The following UHRF2 variants were observed in gnomAD, a reference collection of about 807,000 sequenced individuals.
UHRF2 encodes ubiquitin like with PHD and ring finger domains 2, also known as E3 ubiquitin-protein ligase UHRF2.
In UHRF2, 23 loss-of-function variants were observed where a neutral mutation model predicts 96.8. That is an observed-to-expected ratio of 0.24 (90% CI 0.17 to 0.34). UHRF2 has a LOEUF of 0.34. Ranked by LOEUF, UHRF2 falls within the 10% of genes least tolerant of loss-of-function variation. UHRF2 has a pLI of 1.00. For missense variants in UHRF2, 685 were observed against 981.5 expected (o/e 0.70, Z 4.04); for synonymous variants, 385 against 332.6 (o/e 1.16, Z -1.72).
chr9:6,430,123 G>T (rs1355094498), intron 2 of UHRF2, among the ~76,000 whole-genome samples: 1 of 152,194 alleles, frequency 6.6e-6, no homozygotes, highest in Non-Finnish European at 1.5e-5. Flanking sequence ...TGATTGTCCT[G>T]CCTCAGCCTC....
chr9:6,484,939 A>G (rs1824178156), intron 8 of UHRF2, among the ~76,000 whole-genome samples: 2 of 151,794 alleles, frequency 1.3e-5, no homozygotes, highest in Non-Finnish European at 2.9e-5. Flanking sequence ...TATTACAGGT[A>G]TACGTCACCA....
intron 4 of UHRF2, among the ~76,000 whole-genome samples, chr9:6,465,452 T>C (rs1364244237): frequency 6.6e-6 from 1 of 152,190 alleles, no homozygotes; most frequent in Non-Finnish European, 1.5e-5. Flanking sequence ...GTGGGAAAGT[T>C]CTTTTATGGT....
At chr9:6,505,988 TG>T in intron 15 of UHRF2, 44 bp from the exon 16 acceptor site, 1 of 1,607,538 alleles carries the variant, frequency 6.2e-7, no homozygotes, top group Non-Finnish European at 8.5e-7. Flanking sequence ...AGTACTTACA[TG>T]CTTTATGCTC....
chr9:6,443,039 A>G lies in UHRF2; in HGVS notation c.644+8866A>G, dbSNP rs569942449. ...GGGTTATAACTTTTAGCTGATTTCT[A>G]TAAGAATAAAAGTAAGCTAGAAAAC... On this transcript the variant is annotated intron_variant, in intron 3 of 15. Transcript: ENST00000276893. 2.6e-5 allele frequency among the ~76,000 whole-genome samples: 4 copies of G among 152,298 alleles called. No individual in the cohort carries two copies. In the East Asian group the frequency reaches 5.8e-4, roughly 22 times the overall value.
intron 2 of UHRF2, among the ~76,000 whole-genome samples, chr9:6,423,137 T>G (rs1046735990): frequency 1.3e-5 from 2 of 152,202 alleles, no homozygotes; most frequent in Non-Finnish European, 2.9e-5. Flanking sequence ...GGAGATAATT[T>G]TAGATATATG....
At chr9:6,495,057 T>A (rs1417920955) in intron 10 of UHRF2, 1 of 152,200 alleles carries the variant, frequency 6.6e-6, no homozygotes, top group African/African-American at 2.4e-5. Context: ...TGTGTTTTTG[T>A]CAATGAAAAT....
chr9:6,497,002 G>A, intron 10 of UHRF2, 196 bp from the exon 11 acceptor site: 2 of 526,714 alleles, frequency 3.8e-6, no homozygotes, highest in Admixed American at 6.5e-5. Context: ...CCTGGCTTGG[G>A]GGTGACATCA....
At chr9:6,455,121 C>G (rs1321134331) in intron 3 of UHRF2, among the ~76,000 whole-genome samples, 1 of 151,704 alleles carries the variant, frequency 6.6e-6, no homozygotes, top group Non-Finnish European at 1.5e-5. Context: ...TACATAGGAG[C>G]AGCAGCTTTT....
chr9:6,487,469 C>T lies in UHRF2; in HGVS notation c.1497+544C>T, dbSNP rs909479978. Among the ~76,000 whole-genome samples the T allele has an allele frequency of 6.6e-5, 10 of 152,140 alleles. No individual in the cohort carries two copies. The South Asian group carries it at 1.0e-3, about 16-fold the overall frequency. ...GCAATCTCCTCCTCCCAGATTCAAG[C>T]GATTCTCCTGCCTCCACCTCCTGAG... On this transcript the variant is annotated intron_variant, in intron 9 of 15. Coordinates refer to ENST00000276893, the MANE Select transcript of UHRF2 (RefSeq NM_152896.3).
intron 2 of UHRF2, among the ~76,000 whole-genome samples, chr9:6,432,383 A>G (rs757396966): frequency 1.3e-5 from 2 of 152,178 alleles, no homozygotes; most frequent in African/African-American, 2.4e-5. Context: ...TTATATTTTC[A>G]GTAACTTATT....
In UHRF2 at chr9:6,493,814, C is replaced by T; in HGVS notation, c.1498-12C>T. 6.2e-7 allele frequency: 1 copy of T among 1,600,898 alleles called. No homozygotes were observed. The highest frequency in any genetic ancestry group is 8.5e-7 in the Non-Finnish European group (1 of 1,174,686). The stretch of plus-strand genomic sequence containing the variant: ...GTTTAGCTTTCTTAATAAAGAAAAT[C>T]TTCTCTGACAGGACCGAGGTGATGA... On this transcript the variant is annotated splice_polypyrimidine_tract_variant and intron_variant, in intron 9 of 15. Transcript: ENST00000276893.
intron 3 of UHRF2, among the ~76,000 whole-genome samples, chr9:6,455,637 T>G (rs1412342646): frequency 6.6e-6 from 1 of 152,160 alleles, no homozygotes; most frequent in Non-Finnish European, 1.5e-5. Flanking sequence ...TAGAAGCCAG[T>G]GTGGACTGTT....
intron 3 of UHRF2, among the ~76,000 whole-genome samples, chr9:6,442,031 T>A (rs1821195620): frequency 6.6e-6 from 1 of 152,200 alleles, no homozygotes; most frequent in South Asian, 2.1e-4. Flanking sequence ...AGTGGCACGA[T>A]CTTGGCTCAC....
intron 2 of UHRF2, among the ~76,000 whole-genome samples, chr9:6,423,225 A>G (rs753334011): frequency 5.9e-5 from 9 of 152,246 alleles, no homozygotes; most frequent in African/African-American, 2.2e-4. Context: ...AGAAAGTACC[A>G]GGCTTGGATG....
chr9:6,468,478 A>G (rs1243618439), intron 4 of UHRF2: 1 of 456,052 alleles, frequency 2.2e-6, no homozygotes. Flanking sequence ...GTCTCTGGAG[A>G]GGTAAGAATC....
chr9:6,487,711 A>T (rs1469391109), intron 9 of UHRF2, among the ~76,000 whole-genome samples: 1 of 152,162 alleles, frequency 6.6e-6, no homozygotes, highest in African/African-American at 2.4e-5. Flanking sequence ...CATGTTGGCC[A>T]GGTTGGTCTC....
At chr9:6,469,940 A>G (rs1177531008) in intron 4 of UHRF2, among the ~76,000 whole-genome samples, 1 of 152,152 alleles carries the variant, frequency 6.6e-6, no homozygotes, top group African/African-American at 2.4e-5. Context: ...AGCAGGATAA[A>G]TATAAAGAAA....
intron 3 of UHRF2, among the ~76,000 whole-genome samples, chr9:6,453,115 A>G (rs989207789): frequency 6.6e-6 from 1 of 152,198 alleles, no homozygotes; most frequent in East Asian, 1.9e-4. Flanking sequence ...GATAGAATAT[A>G]TATAATCCAC....
At chr9:6,448,347 A>T (rs747374567) in intron 3 of UHRF2, among the ~76,000 whole-genome samples, 3 of 152,248 alleles carry the variant, frequency 2.0e-5, no homozygotes, top group Non-Finnish European at 4.4e-5. Context: ...ATCTGTGAAT[A>T]CTATTTAGTT....
Sources: allele counts gnomAD v4.1 joint callset (sites outside exome capture counted in the v4.1 genomes callset), GRCh38; gene constraint gnomAD v4.1.1; transcripts MANE v1.5; gene names NCBI Gene and HGNC (gene_info 2026-07-23, HGNC 2026-07-21).